Variants in CDC40 observed in about 807,000 individuals in gnomAD.
The protein encoded by CDC40 is pre-mRNA-processing factor 17.
Under a neutral mutation model 80.6 loss-of-function variants are expected in CDC40, and 27 were observed. The ratio of observed to expected loss-of-function variants is 0.33; its 90% CI spans 0.25 to 0.46. The LOEUF (loss-of-function observed/expected upper bound fraction) is 0.46, where lower values mean the gene tolerates loss of function less well. Ranked by LOEUF, CDC40 falls within the 20% of genes least tolerant of loss-of-function variation. CDC40 has a pLI of 1.00. For synonymous variants in CDC40, 221 were observed against 232.6 expected, an observed-to-expected ratio of 0.95 and a Z score of 0.45; for missense variants, 486 against 694.1, an observed-to-expected ratio of 0.70 and a Z score of 3.37.
At chr6:110,188,205 C>T (rs893337791) in intron 1 of CDC40, among the ~76,000 whole-genome samples, 2 of 152,142 alleles carry the variant, frequency 1.3e-5, no homozygotes, top group African/African-American at 4.8e-5. Flanking sequence ...TTGGAAAGAT[C>T]TCATATCCCA....
At position 110,193,232 on chromosome 6, in the gene CDC40, G is replaced by A; in HGVS notation, c.240G>A (p.Gln80=). The part of the protein sequence containing the change: ...VHLDPAVKEV[Q]YNPTYETMFA... Reference sequence around the variant, plus strand: ...TTGACCCTGCCGTCAAAGAAGTTCAGTATAATCCTACCTATGAGACCATGT... The same window carrying A: ...TTGACCCTGCCGTCAAAGAAGTTCAATATAATCCTACCTATGAGACCATGT... Residue 80 remains glutamine (Q), a synonymous_variant, in exon 2 of 15, where the codon CAG becomes CAA. Coordinates refer to ENST00000307731, the MANE Select transcript of CDC40 (RefSeq NM_015891.3). The A allele has an allele frequency of 1.2e-6, 2 of 1,609,850 alleles. No homozygotes were observed. Among genetic ancestry groups the A allele is most frequent in the Non-Finnish European group, 1.7e-6 (2 of 1,176,188 alleles).
In CDC40 at chr6:110,230,094, CAT is replaced by C. The variant is rs1308316276; in HGVS notation, c.1704_1705del (p.Cys569TrpfsTer7). On this transcript the variant is annotated frameshift_variant, in exon 15 of 15. Coordinates refer to ENST00000307731, the MANE Select transcript of CDC40 (RefSeq NM_015891.3). LOFTEE classifies it high-confidence loss of function. ...CCTCATGAAACTTCTAAGGTCATAA[CAT>C]GTGGTTGGGATGGTCTCATTAAATT... The C allele has an allele frequency of 1.2e-6, 2 of 1,612,260 alleles. No homozygotes were observed. Among genetic ancestry groups the C allele is most frequent in the Non-Finnish European group, 1.7e-6 (2 of 1,178,594 alleles).
chr6:110,231,339 A>C lies in CDC40; in HGVS notation c.*1208A>C, dbSNP rs932225891. 7 of 152,216 alleles carry C rather than the reference A, an allele frequency of 4.6e-5. No homozygotes were observed. The highest frequency in any genetic ancestry group is 8.8e-5 in the Non-Finnish European group (6 of 68,080). The allele number at this position is 152,216 out of a possible 1,614,324, so 9.4% of individuals were successfully genotyped here. ...ACATAGTGAAACCCCGTCTCTACTA[A>C]AAACACAAAAATTAGCCAGGCTTGG... On this transcript the variant is annotated 3_prime_UTR_variant, in exon 15 of 15. Transcript: ENST00000307731.
chr6:110,207,395 C>A, intron 3 of CDC40, 111 bp from the exon 4 acceptor site: 11 of 525,336 alleles, frequency 2.1e-5, no homozygotes, highest in East Asian at 4.0e-5. Context: ...AGTTAGAGAT[C>A]ATTTTTGACA....
At chr6:110,214,798 A>G (rs1372424301) in intron 8 of CDC40, among the ~76,000 whole-genome samples, 1 of 152,196 alleles carries the variant, frequency 6.6e-6, no homozygotes. Flanking sequence ...TTTAGTCTAG[A>G]TCATCATTTT....
At chr6:110,224,460 C>A (rs1009375291) in intron 12 of CDC40, 1 of 152,162 alleles carries the variant, frequency 6.6e-6, no homozygotes, top group African/African-American at 2.4e-5. Flanking sequence ...ATGATCTCGG[C>A]TCATTGCAGC....
At chr6:110,194,772 A>G (rs1477206675) in intron 2 of CDC40, among the ~76,000 whole-genome samples, 6 of 152,212 alleles carry the variant, frequency 3.9e-5, no homozygotes, top group Admixed American at 3.9e-4. Flanking sequence ...AAAATTTGGA[A>G]GCATTCTGAT....
At chr6:110,186,014 A>G (rs1004190037) in intron 1 of CDC40, among the ~76,000 whole-genome samples, 2 of 152,218 alleles carry the variant, frequency 1.3e-5, no homozygotes, top group Non-Finnish European at 2.9e-5. Context: ...CTACTGAGCA[A>G]TGCGAGAACC....
At chr6:110,199,593 C>CAA (rs551892639) in intron 2 of CDC40, among the ~76,000 whole-genome samples, 19 of 83,472 alleles carry the variant, frequency 2.3e-4, no homozygotes, top group South Asian at 3.5e-4. Flanking sequence ...GACCCTGTCT[C>CAA]AAAAAAAAAA....
intron 2 of CDC40, among the ~76,000 whole-genome samples, chr6:110,195,771 A>G (rs1045898817): frequency 2.0e-5 from 3 of 152,200 alleles, no homozygotes; most frequent in African/African-American, 7.2e-5. Flanking sequence ...TCTAAAGAAC[A>G]GGAATGCCCG....
Position 110,228,681 on chromosome 6 carries a change from A to G in CDC40, c.1418-151A>G. ...CTCTTGCCAGTGACATATTTATAAC[A>G]TTTTACAGGTGGTATAGTAAATTTA... On this transcript the variant is annotated intron_variant, in intron 13 of 14. Transcript: ENST00000307731. 5.4e-6 allele frequency: 3 copies of G among 557,244 alleles called. No individual in the cohort carries two copies. The East Asian group carries it at 1.0e-4, about 19-fold the overall frequency. 34.5% of individuals were successfully genotyped at this position (557,244 alleles called of 1,614,324 possible). A position where few individuals can be genotyped will look rare whatever the true frequency, so the allele number is the denominator to read the frequency against.
At chr6:110,217,082 G>C (rs1386073398) in intron 9 of CDC40, among the ~76,000 whole-genome samples, 1 of 152,038 alleles carries the variant, frequency 6.6e-6, no homozygotes, top group Non-Finnish European at 1.5e-5. Context: ...ACTTCAGGCT[G>C]GGCAACAGAG....
At chr6:110,206,149 T>C (rs967891851) in intron 3 of CDC40, among the ~76,000 whole-genome samples, 2 of 152,142 alleles carry the variant, frequency 1.3e-5, no homozygotes, top group African/African-American at 4.8e-5. Context: ...TTTTTGTGTG[T>C]GTGTGTGAGA....
chr6:110,204,659 CTTTTTTTTT>C (rs55895216), intron 3 of CDC40, among the ~76,000 whole-genome samples: 2 of 119,274 alleles, frequency 1.7e-5, no homozygotes, highest in South Asian at 2.7e-4. Context: ...TCCTATTTCT[CTTTTTTTTT>C]TTTTTTTTTT....
Position 110,229,937 on chromosome 6 carries a change from C to G in CDC40, c.1563-17C>G. ...AGGTATTTTAATAATTTGAATTTAT[C>G]TTTCTTCCCATTATAGTTATGTGAT... On this transcript the variant is annotated splice_polypyrimidine_tract_variant and intron_variant, in intron 14 of 14. Transcript: ENST00000307731. 6.5e-7 allele frequency: 1 copy of G among 1,540,712 alleles called. No individual in the cohort carries two copies. The highest frequency in any genetic ancestry group is 1.1e-5 in the South Asian group (1 of 88,308).
chr6:110,211,577 G>C (rs1777636950), intron 6 of CDC40: 1 of 152,118 alleles, frequency 6.6e-6, no homozygotes, highest in African/African-American at 2.4e-5. Context: ...CTCTGTGCCA[G>C]GCATGCTGCT....
chr6:110,185,453 G>C (rs112809963), intron 1 of CDC40, among the ~76,000 whole-genome samples: 1 of 151,054 alleles, frequency 6.6e-6, no homozygotes, highest in African/African-American at 2.4e-5. Context: ...CGTTTTAGCC[G>C]GGATGGTCTC....
chr6:110,229,881 G>A (rs73765680), intron 14 of CDC40, 73 bp from the exon 15 acceptor site: 41,989 of 890,740 alleles, frequency 0.047, 1,371 homozygotes, highest in African/African-American at 0.14. Flanking sequence ...AAAAGATAAC[G>A]TCCCTATTCC....
At chr6:110,216,958 T>C (rs555421095) in intron 9 of CDC40, among the ~76,000 whole-genome samples, 2 of 152,098 alleles carry the variant, frequency 1.3e-5, no homozygotes, top group South Asian at 4.2e-4. Context: ...AATACAGAAA[T>C]TAGCCAGGCG....
Sources: gnomAD v4.1 joint callset for allele counts (sites outside exome capture counted in the v4.1 genomes callset) on GRCh38, gnomAD v4.1.1 for gene constraint, MANE v1.5 for transcripts, NCBI Gene and HGNC (gene_info 2026-07-23, HGNC 2026-07-21) for gene names.